Variants in SLC1A1 observed in about 807,000 individuals in gnomAD.
SLC1A1 encodes the protein excitatory amino acid transporter 3.
A neutral mutation model predicts 53.3 loss-of-function variants in SLC1A1; 43 were observed. The ratio of observed to expected loss-of-function variants is 0.81; its 90% CI spans 0.63 to 1.04. The LOEUF (loss-of-function observed/expected upper bound fraction) is 1.04. Among genes scored for constraint, SLC1A1 ranks in the 50% least tolerant of loss-of-function variants. SLC1A1 has a pLI of 0.00. For missense variants in SLC1A1, 748 were observed against 664.9 expected, an observed-to-expected ratio of 1.12 and a Z score of -1.37; for synonymous variants, 307 against 243.2, an observed-to-expected ratio of 1.26 and a Z score of -2.44.
intron 1 of SLC1A1, among the ~76,000 whole-genome samples, chr9:4,540,600 G>A (rs1174265723): frequency 6.6e-6 from 1 of 152,188 alleles, no homozygotes; most frequent in African/African-American, 2.4e-5. Flanking sequence ...TCCAGCTGAT[G>A]CCCAGAAGCA....
At chr9:4,563,544 C>T (rs773492722) in intron 3 of SLC1A1, among the ~76,000 whole-genome samples, 10 of 152,166 alleles carry the variant, frequency 6.6e-5, no homozygotes, top group Non-Finnish European at 1.3e-4. Flanking sequence ...AGCCCTACCC[C>T]CTGGATTACC....
intron 1 of SLC1A1, among the ~76,000 whole-genome samples, chr9:4,500,921 G>A (rs914847702): frequency 9.2e-5 from 14 of 152,084 alleles, no homozygotes; most frequent in African/African-American, 2.9e-4. Flanking sequence ...GCCCAGCCTC[G>A]GCTATGTGAG....
At chr9:4,566,954 G>A (rs987519574) in intron 5 of SLC1A1, among the ~76,000 whole-genome samples, 4 of 152,128 alleles carry the variant, frequency 2.6e-5, no homozygotes, top group East Asian at 1.9e-4. Flanking sequence ...GCTCTCTGCC[G>A]GCCTCCACGA....
chr9:4,550,203 G>T (rs748512091), intron 2 of SLC1A1, among the ~76,000 whole-genome samples: 1 of 152,164 alleles, frequency 6.6e-6, no homozygotes, highest in Non-Finnish European at 1.5e-5. Context: ...ACCAGACACT[G>T]GTTGGGTGAC....
intron 1 of SLC1A1, among the ~76,000 whole-genome samples, chr9:4,501,049 T>C (rs906367190): frequency 2.0e-5 from 3 of 152,208 alleles, no homozygotes; most frequent in Non-Finnish European, 4.4e-5. Context: ...CCTGCACTCA[T>C]GCTGAGGTCA....
rs141931028 is a variant in SLC1A1 at position 4,580,790 on chromosome 9, A to G, written c.1194-2248A>G. On this transcript the variant is annotated intron_variant, in intron 10 of 11. Transcript: ENST00000262352. ...TTTTGGTTGCTGCAGTAGCAGTAGTAATAATACCAGTGGCAGCAGCGACAG... is the reference window on the plus strand; with the variant it reads ...TTTTGGTTGCTGCAGTAGCAGTAGTGATAATACCAGTGGCAGCAGCGACAG... Among the ~76,000 whole-genome samples, 630 of 152,198 alleles carry G rather than the reference A, an allele frequency of 4.1e-3. 7 individuals are homozygous for G. The highest frequency in any genetic ancestry group is 0.015 in the African/African-American group (606 of 41,516).
At chr9:4,528,670 G>C (rs1816355242) in intron 1 of SLC1A1, among the ~76,000 whole-genome samples, 1 of 152,150 alleles carries the variant, frequency 6.6e-6, no homozygotes, top group Non-Finnish European at 1.5e-5. Flanking sequence ...ATTGGTTGAG[G>C]ATCTAAGGTA....
chr9:4,523,907 G>A (rs1450391729), intron 1 of SLC1A1, among the ~76,000 whole-genome samples: 2 of 152,200 alleles, frequency 1.3e-5, no homozygotes, highest in Non-Finnish European at 2.9e-5. Flanking sequence ...AAGTGGTGAG[G>A]CCAAGATTTG....
chr9:4,509,863 T>C (rs577098200), intron 1 of SLC1A1, among the ~76,000 whole-genome samples: 1 of 152,342 alleles, frequency 6.6e-6, no homozygotes, highest in East Asian at 1.9e-4. Flanking sequence ...AGATGGAATC[T>C]TGCTCTGTCC....
chr9:4,496,751 G>C (rs897961241), intron 1 of SLC1A1, among the ~76,000 whole-genome samples: 1 of 152,046 alleles, frequency 6.6e-6, no homozygotes, highest in African/African-American at 2.4e-5. Flanking sequence ...AATTAAATTA[G>C]CCAGGCACGA....
At chr9:4,496,538 GTTTGTTT>G (rs1820429738) in intron 1 of SLC1A1, among the ~76,000 whole-genome samples, 1 of 150,562 alleles carries the variant, frequency 6.6e-6, no homozygotes, top group East Asian at 1.9e-4. Flanking sequence ...TTTTGTTTTT[GTTTGTTT>G]TTTGTTTTTT....
chr9:4,512,099 T>A (rs985183377), intron 1 of SLC1A1, among the ~76,000 whole-genome samples: 2 of 152,224 alleles, frequency 1.3e-5, no homozygotes, highest in Non-Finnish European at 2.9e-5. Context: ...TGTTCATGGA[T>A]TGGATGACTC....
At position 4,544,547 on chromosome 9, in the gene SLC1A1, C is replaced by G. The variant is rs756876447; in HGVS notation, c.92-20C>G. 2 of 1,611,332 alleles carry G rather than the reference C, an allele frequency of 1.2e-6. No individual in the cohort carries two copies. The highest frequency in any genetic ancestry group is 2.2e-5 in the East Asian group (1 of 44,856). On this transcript the variant is annotated intron_variant, in intron 1 of 11. Coordinates refer to ENST00000262352, the MANE Select transcript of SLC1A1 (RefSeq NM_004170.6). ...TCAATAATGTTCCTCTTCCTTCTTTCCAACTCTTGTTTTCCTTAGGCATTA... is the reference window on the plus strand; with the variant it reads ...TCAATAATGTTCCTCTTCCTTCTTTGCAACTCTTGTTTTCCTTAGGCATTA...
intron 1 of SLC1A1, among the ~76,000 whole-genome samples, chr9:4,492,719 C>G (rs1165197032): frequency 1.3e-5 from 2 of 151,634 alleles, no homozygotes; most frequent in Non-Finnish European, 2.9e-5. Context: ...CACCTGAGCC[C>G]AGGGAGGTCG....
intron 2 of SLC1A1, among the ~76,000 whole-genome samples, chr9:4,551,753 T>A (rs1817949471): frequency 1.3e-5 from 2 of 152,216 alleles, no homozygotes; most frequent in African/African-American, 4.8e-5. Context: ...CTTGCCTCAT[T>A]TGCAACATCT....
chr9:4,540,687 G>A (rs1159384006), intron 1 of SLC1A1, among the ~76,000 whole-genome samples: 1 of 152,206 alleles, frequency 6.6e-6, no homozygotes, highest in Non-Finnish European at 1.5e-5. Flanking sequence ...CCAAGTGAGT[G>A]GAGTTTGCCC....
At chr9:4,546,204 A>C (rs1025461289) in intron 2 of SLC1A1, among the ~76,000 whole-genome samples, 1 of 152,132 alleles carries the variant, frequency 6.6e-6, no homozygotes, top group Non-Finnish European at 1.5e-5. Flanking sequence ...AATGGTCTTG[A>C]TGTTCTCGGC....
At chr9:4,581,623 C>G (rs1365595237) in intron 10 of SLC1A1, among the ~76,000 whole-genome samples, 1 of 152,158 alleles carries the variant, frequency 6.6e-6, no homozygotes, top group East Asian at 1.9e-4. Flanking sequence ...TTGATGCATT[C>G]CATTTAAATT....
chr9:4,566,328 A>C (rs552370683), intron 5 of SLC1A1, among the ~76,000 whole-genome samples: 6 of 152,312 alleles, frequency 3.9e-5, no homozygotes, highest in African/African-American at 2.4e-5. Flanking sequence ...TTTTTCCCCC[A>C]AAAAGGCTCA....
Sources: allele counts gnomAD v4.1 joint callset (sites outside exome capture counted in the v4.1 genomes callset), GRCh38; gene constraint gnomAD v4.1.1; transcripts MANE v1.5; gene names NCBI Gene and HGNC (gene_info 2026-07-23, HGNC 2026-07-21).